SCAPER: variants seen among roughly 807,000 people sequenced by gnomAD.
SCAPER encodes the protein S phase cyclin A-associated protein in the endoplasmic reticulum.
SCAPER carries 98 observed loss-of-function variants against 182.2 expected under a neutral mutation model. The observed-to-expected ratio is 0.54, with a 90% confidence interval of 0.46 to 0.64. The LOEUF is 0.64. Ranked by LOEUF, SCAPER falls within the 30% of genes least tolerant of loss-of-function variation. SCAPER has a pLI of 0.00. For synonymous variants in SCAPER, 605 were observed against 564.6 expected (o/e 1.07, Z -1.01); for missense variants, 1,432 against 1,690.0 (o/e 0.85, Z 2.68).
chr15:76,423,603 T>C lies in SCAPER; in HGVS notation c.3311+10475A>G, dbSNP rs2046210210. ...ATTCATTGATTTTTTGAAGGGTTTT[T>C]TGTTTCTCCATCTCCTTCAGTTCTG... On this transcript the variant is annotated intron_variant, in intron 26 of 31. Transcript: ENST00000563290. Among the ~76,000 whole-genome samples, 2 of 152,208 alleles carry C rather than the reference T, an allele frequency of 1.3e-5. 1 individual carries two copies. The highest frequency in any genetic ancestry group is 4.1e-4 in the South Asian group (2 of 4,832).
chr15:76,904,940 C>T (rs2152639637), intron 1 of SCAPER: 1 of 152,650 alleles, frequency 6.6e-6, no homozygotes, highest in Non-Finnish European at 1.5e-5. Flanking sequence ...CCGGGGCTGC[C>T]CCCAAGTGAG....
intron 5 of SCAPER, among the ~76,000 whole-genome samples, chr15:76,817,711 CAG>C (rs2067199546): frequency 1.3e-5 from 2 of 151,976 alleles, no homozygotes; most frequent in Non-Finnish European, 2.9e-5. Flanking sequence ...TGTAAATAAA[CAG>C]AATACCATTT....
chr15:76,377,952 A>C (rs1476332449), intron 28 of SCAPER, among the ~76,000 whole-genome samples: 1 of 152,238 alleles, frequency 6.6e-6, no homozygotes, highest in Non-Finnish European at 1.5e-5. Flanking sequence ...ACTATGTGCT[A>C]GTGAGCACAG....
At chr15:76,416,260 A>G (rs2045637669) in intron 26 of SCAPER, among the ~76,000 whole-genome samples, 1 of 151,608 alleles carries the variant, frequency 6.6e-6, no homozygotes, top group Non-Finnish European at 1.5e-5. Flanking sequence ...GGATCACTAG[A>G]GGTCAGGAGT....
intron 21 of SCAPER, 119 bp from the exon 22 acceptor site, chr15:76,621,948 T>G: frequency 1.5e-6 from 1 of 649,056 alleles, no homozygotes; most frequent in Non-Finnish European, 2.7e-6. Flanking sequence ...ATCTGGTGAT[T>G]GAAGTGGCTG....
chr15:76,762,896 A>G (rs1319081969), intron 14 of SCAPER, among the ~76,000 whole-genome samples: 1 of 152,086 alleles, frequency 6.6e-6, no homozygotes. Flanking sequence ...GCCTCATGTG[A>G]TCCTCCCACC....
intron 20 of SCAPER, among the ~76,000 whole-genome samples, chr15:76,690,017 A>G (rs1235095746): frequency 6.6e-6 from 1 of 152,100 alleles, no homozygotes; most frequent in Admixed American, 6.5e-5. Flanking sequence ...TTTTATATAG[A>G]TAGTCCTCCT....
intron 20 of SCAPER, among the ~76,000 whole-genome samples, chr15:76,688,591 CTTGAG>C (rs1310967736): frequency 6.6e-6 from 1 of 152,090 alleles, no homozygotes; most frequent in Non-Finnish European, 1.5e-5. Flanking sequence ...TTTAATTCAT[CTTGAG>C]TTAATTTTTG....
At chr15:76,832,149 A>G (rs2068544091) in intron 5 of SCAPER, among the ~76,000 whole-genome samples, 1 of 152,230 alleles carries the variant, frequency 6.6e-6, no homozygotes, top group Non-Finnish European at 1.5e-5. Context: ...GAGATGGCTG[A>G]AATGAAAGAC....
chr15:76,802,638 G>A (rs1214732052), intron 6 of SCAPER, among the ~76,000 whole-genome samples: 1 of 152,108 alleles, frequency 6.6e-6, no homozygotes, highest in African/African-American at 2.4e-5. Context: ...AGCCCTTCTG[G>A]ATTTCTCCCT....
rs200914871 is a variant in SCAPER, at chr15:76,615,492, G to GACACAC, written c.2711+6266_2711+6271dup. Among the ~76,000 whole-genome samples, 481 of 140,748 alleles carry GACACAC rather than the reference G, an allele frequency of 3.4e-3. 3 individuals carry two copies. The highest frequency in any genetic ancestry group is 0.012 in the African/African-American group (449 of 37,356). The allele number at this position is 140,748 out of a possible 152,430, so 92.3% of individuals were successfully genotyped here. ...GTATATATACATACACACACACACA[G>GACACAC]ACACACACACACACACACACACACA... On this transcript the variant is annotated intron_variant, in intron 22 of 31. Coordinates refer to ENST00000563290, the MANE Select transcript of SCAPER (RefSeq NM_020843.4).
chr15:76,580,194 A>G lies in SCAPER; in HGVS notation c.2712-5910T>C, dbSNP rs545461072. On this transcript the variant is annotated intron_variant, in intron 22 of 31. Transcript: ENST00000563290. Reference sequence around the variant, plus strand: ...TGAACCTACTAGATATTTACAGAACATTTCATCCAATGGCTGAAGAATACA... The same window carrying G: ...TGAACCTACTAGATATTTACAGAACGTTTCATCCAATGGCTGAAGAATACA... Among the ~76,000 whole-genome samples the G allele has an allele frequency of 1.4e-4, 22 of 152,266 alleles. 1 individual carries two copies. The highest frequency in any genetic ancestry group is 1.3e-3 in the Admixed American group (20 of 15,292).
chr15:76,567,306 A>G, intron 23 of SCAPER: 1 of 452,946 alleles, frequency 2.2e-6, no homozygotes, highest in Non-Finnish European at 4.4e-6. Flanking sequence ...GGATTCTTGC[A>G]CTATTTTCCA....
intron 25 of SCAPER, among the ~76,000 whole-genome samples, chr15:76,436,296 G>A (rs545945814): frequency 3.9e-5 from 6 of 152,240 alleles, no homozygotes; most frequent in South Asian, 4.1e-4. Context: ...TTGAATTCCC[G>A]ACTTCAGGTG....
At chr15:76,382,117 C>G (rs890324228) in intron 27 of SCAPER, among the ~76,000 whole-genome samples, 24 of 152,106 alleles carry the variant, frequency 1.6e-4, no homozygotes, top group African/African-American at 5.8e-4. Context: ...ATTGAAGCCC[C>G]TTTTCCAACA....
chr15:76,529,550 G>C (rs572468621), intron 23 of SCAPER, among the ~76,000 whole-genome samples: 1 of 152,328 alleles, frequency 6.6e-6, no homozygotes, highest in East Asian at 1.9e-4. Flanking sequence ...GGCTGTGGAG[G>C]TAGAGGGAGA....
rs1249582734 is a variant in SCAPER, at chr15:76,652,272, AAATATATATATATATATATATAT to A, written c.2645+13358_2645+13380del. Among the ~76,000 whole-genome samples, 95 of 15,768 alleles carry A rather than the reference AAATATATATATATATATATATAT, an allele frequency of 6.0e-3. 7 individuals are homozygous for A. The highest frequency in any genetic ancestry group is 9.2e-3 in the Non-Finnish European group (82 of 8,948). 10.3% of individuals were successfully genotyped at this position (15,768 alleles called of 152,430 possible). ...TGTCTCTGCTAAAAAAAAAAAAAAA[AAATATATATATATATATATATAT>A]ATATATATATATATACACACACACA... On this transcript the variant is annotated intron_variant, in intron 21 of 31. Transcript: ENST00000563290.
chr15:76,411,678 T>G (rs542518126), intron 26 of SCAPER, among the ~76,000 whole-genome samples: 4 of 152,298 alleles, frequency 2.6e-5, no homozygotes, highest in Admixed American at 2.0e-4. Context: ...ATAGATGTGT[T>G]TAAATTTACA....
At chr15:76,372,482 T>G (rs1252649174) in intron 29 of SCAPER, among the ~76,000 whole-genome samples, 1 of 152,198 alleles carries the variant, frequency 6.6e-6, no homozygotes, top group African/African-American at 2.4e-5. Context: ...GCCAAAATTG[T>G]GTGTTTTATC....
Sources: gnomAD v4.1 joint callset for allele counts (sites outside exome capture counted in the v4.1 genomes callset) on GRCh38, gnomAD v4.1.1 for gene constraint, MANE v1.5 for transcripts, NCBI Gene and HGNC (gene_info 2026-07-23, HGNC 2026-07-21) for gene names.